AKAP7: variants seen among roughly 807,000 people sequenced by gnomAD.
The protein encoded by AKAP7 is A kinase (PRKA) anchor protein 7.
A neutral mutation model predicts 39.5 loss-of-function variants in AKAP7; 39 were observed. The ratio of observed to expected loss-of-function variants is 0.99; its 90% CI spans 0.76 to 1.29. The LOEUF (loss-of-function observed/expected upper bound fraction) is 1.29. AKAP7 is among the 50% of genes most tolerant of loss of function. The probability of loss-of-function intolerance (pLI) is 0.00; values close to 1 mark genes in which losing one functional copy is unlikely to be tolerated. For synonymous variants in AKAP7, 140 were observed against 139.1 expected (o/e 1.01, Z -0.05); for missense variants, 414 against 407.7 (o/e 1.02, Z -0.13).
chr6:131,137,373 C>G (rs1490570889), intron 1 of AKAP7: 1 of 151,560 alleles, frequency 6.6e-6, no homozygotes, highest in Non-Finnish European at 1.5e-5. Flanking sequence ...TCTCCATACC[C>G]TTTTCTCTCT....
chr6:131,198,900 C>G (rs1017657136), intron 5 of AKAP7, among the ~76,000 whole-genome samples: 2 of 149,218 alleles, frequency 1.3e-5, no homozygotes, highest in African/African-American at 2.6e-5. Flanking sequence ...ACAAGTCTTA[C>G]TTCTCAAGTA....
At chr6:131,176,834 C>T (rs1264117547) in intron 5 of AKAP7, among the ~76,000 whole-genome samples, 1 of 152,118 alleles carries the variant, frequency 6.6e-6, no homozygotes, top group Non-Finnish European at 1.5e-5. Context: ...TGGTGGGTGT[C>T]CCAGCAGCCT....
intron 7 of AKAP7, among the ~76,000 whole-genome samples, chr6:131,270,838 T>A (rs1035333992): frequency 6.6e-6 from 1 of 152,340 alleles, no homozygotes; most frequent in East Asian, 1.9e-4. Flanking sequence ...GTTGAATGTC[T>A]TTTTACATGT....
At chr6:131,191,584 C>A (rs187524565) in intron 5 of AKAP7, among the ~76,000 whole-genome samples, 2 of 152,272 alleles carry the variant, frequency 1.3e-5, no homozygotes, top group African/African-American at 4.8e-5. Flanking sequence ...CTGATGCAGA[C>A]TTTGAATCAG....
intron 7 of AKAP7, among the ~76,000 whole-genome samples, chr6:131,239,372 G>A (rs2128311568): frequency 6.6e-6 from 1 of 152,252 alleles, no homozygotes; most frequent in South Asian, 2.1e-4. Flanking sequence ...TGGTGAATCT[G>A]ATAATTATGT....
At chr6:131,260,419 C>T (rs1377182171) in intron 7 of AKAP7, among the ~76,000 whole-genome samples, 1 of 152,162 alleles carries the variant, frequency 6.6e-6, no homozygotes, top group Admixed American at 6.5e-5. Flanking sequence ...ACATTCCCAC[C>T]AACAGTGTAA....
At chr6:131,220,846 C>G (rs1809637058) in intron 7 of AKAP7, among the ~76,000 whole-genome samples, 1 of 152,004 alleles carries the variant, frequency 6.6e-6, no homozygotes, top group African/African-American at 2.4e-5. Context: ...TGTTTTGGGG[C>G]ACCACCATAT....
intron 6 of AKAP7, among the ~76,000 whole-genome samples, chr6:131,202,942 G>A (rs1021404890): frequency 1.2e-4 from 19 of 152,008 alleles, no homozygotes; most frequent in Non-Finnish European, 1.9e-4. Flanking sequence ...GTCAGCCGGC[G>A]TACTGGTTGA....
chr6:131,184,434 C>T (rs549225019), intron 5 of AKAP7: 3 of 659,596 alleles, frequency 4.5e-6, no homozygotes, highest in Non-Finnish European at 8.7e-6. Flanking sequence ...CGGAGTGAGA[C>T]AGTACATTTC....
At chr6:131,194,334 T>C (rs1806706099) in intron 5 of AKAP7, among the ~76,000 whole-genome samples, 1 of 152,082 alleles carries the variant, frequency 6.6e-6, no homozygotes, top group Non-Finnish European at 1.5e-5. Context: ...TGTATTTGTA[T>C]AGTTCCCCAA....
At chr6:131,253,738 T>C (rs924956045) in intron 7 of AKAP7, among the ~76,000 whole-genome samples, 2 of 152,168 alleles carry the variant, frequency 1.3e-5, no homozygotes, top group African/African-American at 4.8e-5. Context: ...TTTGTCTTTA[T>C]GTGCCTGGCT....
At chr6:131,195,361 G>A (rs893303193) in intron 5 of AKAP7, among the ~76,000 whole-genome samples, 1 of 151,968 alleles carries the variant, frequency 6.6e-6, no homozygotes, top group African/African-American at 2.4e-5. Flanking sequence ...TTAACTTTTT[G>A]TTGTTCTCTT....
chr6:131,150,811 G>A (rs1412742852), intron 2 of AKAP7, among the ~76,000 whole-genome samples: 2 of 152,142 alleles, frequency 1.3e-5, no homozygotes. Context: ...AATGGTAGCT[G>A]TCTCACAGGA....
At chr6:131,136,965 T>C in intron 1 of AKAP7, 1 of 698,192 alleles carries the variant, frequency 1.4e-6, no homozygotes, top group Non-Finnish European at 1.8e-6. Context: ...TGTATATATG[T>C]ATATATGTAT....
chr6:131,164,482 T>A, intron 3 of AKAP7: 1 of 455,392 alleles, frequency 2.2e-6, no homozygotes, highest in Non-Finnish European at 4.4e-6. Flanking sequence ...TTTTCTAATG[T>A]GTGCATTTGG....
intron 6 of AKAP7, among the ~76,000 whole-genome samples, chr6:131,211,463 A>C (rs1361695680): frequency 2.0e-5 from 3 of 152,172 alleles, no homozygotes. Flanking sequence ...CTCTGAGTGC[A>C]TTAGGAAATT....
chr6:131,148,545 T>C (rs1191901163), intron 2 of AKAP7, among the ~76,000 whole-genome samples: 1 of 151,998 alleles, frequency 6.6e-6, no homozygotes, highest in African/African-American at 2.4e-5. Context: ...AAGCTAAAAA[T>C]GTAAAATAAC....
chr6:131,258,682 G>C (rs1813060232), intron 7 of AKAP7, among the ~76,000 whole-genome samples: 1 of 152,178 alleles, frequency 6.6e-6, no homozygotes, highest in Non-Finnish European at 1.5e-5. Flanking sequence ...GGAACTGTAT[G>C]ATGAAAATAT....
chr6:131,126,470 C>T, the AKAP7 span, among the ~76,000 whole-genome samples: 1 of 152,130 alleles, frequency 6.6e-6, no homozygotes, highest in South Asian at 2.1e-4. Flanking sequence ...AGCCAAAAGG[C>T]CTTCAAACCT....
Sources: gnomAD v4.1 joint callset for allele counts (sites outside exome capture counted in the v4.1 genomes callset) on GRCh38, gnomAD v4.1.1 for gene constraint, MANE v1.5 for transcripts, NCBI Gene and HGNC (gene_info 2026-07-23, HGNC 2026-07-21) for gene names.